Variants in HCN1 observed in about 807,000 individuals in gnomAD.
HCN1 encodes the protein hyperpolarization activated cyclic nucleotide gated potassium channel 1.
A neutral mutation model predicts 78.9 loss-of-function variants in HCN1; 13 were observed. The observed-to-expected ratio is 0.16, with a 90% CI of 0.11 to 0.26. The LOEUF (loss-of-function observed/expected upper bound fraction) is 0.26. Among genes scored for constraint, HCN1 ranks in the 10% least tolerant of loss-of-function variants. The pLI, the probability that HCN1 is intolerant of heterozygous loss-of-function variation, is 1.00. For synonymous variants in HCN1, 552 were observed against 455.5 expected, an observed-to-expected ratio of 1.21 and a Z score of -2.70; for missense variants, 810 against 1,154.3, an observed-to-expected ratio of 0.70 and a Z score of 4.32.
intron 2 of HCN1, among the ~76,000 whole-genome samples, chr5:45,579,243 G>A (rs1053861422): frequency 6.6e-6 from 1 of 151,982 alleles, no homozygotes; most frequent in Non-Finnish European, 1.5e-5. Context: ...AATCTTATTG[G>A]TAGTCAGATA....
intron 4 of HCN1, among the ~76,000 whole-genome samples, chr5:45,372,189 C>T (rs372450523): frequency 0.26 from 16,169 of 61,552 alleles, 2,859 homozygotes; most frequent in African/African-American, 0.54. Context: ...TAATATAATA[C>T]AATTAATATA....
chr5:45,422,067 T>A (rs1189767850), intron 3 of HCN1, among the ~76,000 whole-genome samples: 2 of 152,176 alleles, frequency 1.3e-5, no homozygotes, highest in Non-Finnish European at 1.5e-5. Context: ...GAAATATATA[T>A]AACCCTCACA....
intron 2 of HCN1, among the ~76,000 whole-genome samples, chr5:45,482,401 C>A (rs1330247279): frequency 1.3e-5 from 2 of 152,128 alleles, no homozygotes; most frequent in Non-Finnish European, 2.9e-5. Flanking sequence ...ATGCTTCCCT[C>A]CCCTTTCAAG....
intron 2 of HCN1, chr5:45,644,002 AT>A (rs1191490976): frequency 2.0e-5 from 3 of 152,218 alleles, no homozygotes; most frequent in South Asian, 4.1e-4. Flanking sequence ...AGAATGATCC[AT>A]TTTTATGCCT....
At chr5:45,292,469 C>T (rs1175011331) in intron 6 of HCN1, among the ~76,000 whole-genome samples, 1 of 151,856 alleles carries the variant, frequency 6.6e-6, no homozygotes, top group Non-Finnish European at 1.5e-5. Flanking sequence ...CCTACAGATT[C>T]TATTGTTTTA....
intron 3 of HCN1, among the ~76,000 whole-genome samples, chr5:45,403,518 A>G (rs940965331): frequency 6.6e-6 from 1 of 152,154 alleles, no homozygotes; most frequent in Admixed American, 6.6e-5. Context: ...AGCAAAAGGG[A>G]AAAAGGTCCC....
chr5:45,392,469 C>T (rs1199782949), intron 4 of HCN1, among the ~76,000 whole-genome samples: 1 of 152,058 alleles, frequency 6.6e-6, no homozygotes. Flanking sequence ...ATAATGATTA[C>T]ATATTACTCC....
intron 2 of HCN1, among the ~76,000 whole-genome samples, chr5:45,539,118 T>C (rs1374502188): frequency 3.9e-5 from 6 of 152,178 alleles, no homozygotes; most frequent in African/African-American, 9.6e-5. Flanking sequence ...TTCTACTAAA[T>C]TGATTCTAAG....
chr5:45,390,947 C>T (rs1385810130), intron 4 of HCN1, among the ~76,000 whole-genome samples: 1 of 152,120 alleles, frequency 6.6e-6, no homozygotes, highest in Non-Finnish European at 1.5e-5. Flanking sequence ...TGGTGTTTTC[C>T]TGCAAGAGAA....
At chr5:45,677,180 T>G (rs1485969202) in intron 1 of HCN1, among the ~76,000 whole-genome samples, 1 of 151,814 alleles carries the variant, frequency 6.6e-6, no homozygotes, top group Non-Finnish European at 1.5e-5. Flanking sequence ...TATTACCCTG[T>G]AGTCTTCCTT....
intron 6 of HCN1, among the ~76,000 whole-genome samples, chr5:45,273,919 CT>C (rs1326726775): frequency 2.0e-5 from 3 of 151,954 alleles, no homozygotes; most frequent in Non-Finnish European, 2.9e-5. Flanking sequence ...TCATGTTTGG[CT>C]GGTAGAAGTA....
At chr5:45,645,060 G>A (rs540097770) in intron 2 of HCN1, 125 bp downstream of exon 2, 61 of 687,422 alleles carry the variant, frequency 8.9e-5, no homozygotes, top group South Asian at 8.1e-4. Context: ...GAAAAGAGTC[G>A]TCGAATACAT....
chr5:45,275,135 A>G (rs1745030058), intron 6 of HCN1, among the ~76,000 whole-genome samples: 1 of 152,052 alleles, frequency 6.6e-6, no homozygotes, highest in Non-Finnish European at 1.5e-5. Context: ...AACTCCAGCT[A>G]CTTGGGAGGC....
chr5:45,651,867 T>C (rs1478022524), intron 1 of HCN1, among the ~76,000 whole-genome samples: 2 of 151,910 alleles, frequency 1.3e-5, no homozygotes, highest in Non-Finnish European at 2.9e-5. Flanking sequence ...TCCAGACAAC[T>C]CAAACATAGG....
chr5:45,504,579 T>C (rs530973096), intron 2 of HCN1, among the ~76,000 whole-genome samples: 6 of 152,292 alleles, frequency 3.9e-5, no homozygotes, highest in African/African-American at 1.4e-4. Flanking sequence ...TGTGTCTTTA[T>C]AGCAGCATGA....
At chr5:45,596,105 A>T (rs1744489378) in intron 2 of HCN1, among the ~76,000 whole-genome samples, 1 of 151,896 alleles carries the variant, frequency 6.6e-6, no homozygotes, top group Non-Finnish European at 1.5e-5. Flanking sequence ...TCACCATGTT[A>T]GCTAGGATGG....
At chr5:45,657,384 A>C (rs916214485) in intron 1 of HCN1, among the ~76,000 whole-genome samples, 1 of 152,192 alleles carries the variant, frequency 6.6e-6, no homozygotes, top group African/African-American at 2.4e-5. Flanking sequence ...AGTGGTACTT[A>C]TTAAATCTTT....
intron 3 of HCN1, among the ~76,000 whole-genome samples, chr5:45,423,201 A>G (rs905218183): frequency 1.3e-5 from 2 of 152,150 alleles, no homozygotes; most frequent in Non-Finnish European, 2.9e-5. Context: ...TTTAAAAATT[A>G]AAAAAATACT....
At chr5:45,364,379 T>C (rs1747190483) in intron 4 of HCN1, among the ~76,000 whole-genome samples, 1 of 152,068 alleles carries the variant, frequency 6.6e-6, no homozygotes, top group Non-Finnish European at 1.5e-5. Context: ...TACAACATGT[T>C]TCATGGGCAC....
Sources: allele counts gnomAD v4.1 joint callset (sites outside exome capture counted in the v4.1 genomes callset), GRCh38; gene constraint gnomAD v4.1.1; transcripts MANE v1.5; gene names NCBI Gene and HGNC (gene_info 2026-07-23, HGNC 2026-07-21).